CPPED1: variants seen among roughly 807,000 people sequenced by gnomAD.
CPPED1 encodes the protein calcineurin like phosphoesterase domain containing 1.
In CPPED1, 28 loss-of-function variants were observed where a neutral mutation model predicts 28.0. The ratio of observed to expected loss-of-function variants is 1.00; its 90% CI spans 0.74 to 1.37. The LOEUF (loss-of-function observed/expected upper bound fraction) is 1.37. CPPED1 is among the 40% of genes most tolerant of loss of function. CPPED1 has a pLI of 0.00. For missense variants in CPPED1, 504 were observed against 416.5 expected (o/e 1.21, Z -1.83); for synonymous variants, 198 against 180.2 (o/e 1.10, Z -0.79).
intron 3 of CPPED1, among the ~76,000 whole-genome samples, chr16:12,698,657 C>T (rs1484547620): frequency 2.6e-5 from 4 of 152,140 alleles, no homozygotes; most frequent in Admixed American, 2.6e-4. Context: ...TCTTGAATTC[C>T]TGACTTCAAG....
Position 12,696,942 on chromosome 16 carries a change from G to A in CPPED1, c.715+7682C>T, listed in dbSNP as rs1049873556. Among the ~76,000 whole-genome samples the A allele has an allele frequency of 3.3e-5, 5 of 152,156 alleles. 1 individual carries two copies. Among genetic ancestry groups the A allele is most frequent in the Admixed American group, 6.6e-5 (1 of 15,262 alleles). ...GGACCCCCTGCCCACCGGCCCAGAC[G>A]CTAATTCCCCCTGTACAAACCTCCA... On this transcript the variant is annotated intron_variant, in intron 3 of 3. Coordinates refer to ENST00000381774, the MANE Select transcript of CPPED1 (RefSeq NM_018340.3).
At chr16:12,680,889 T>C (rs1004698468) in intron 3 of CPPED1, among the ~76,000 whole-genome samples, 12 of 152,174 alleles carry the variant, frequency 7.9e-5, no homozygotes, top group African/African-American at 2.9e-4. Flanking sequence ...TTAACACCTA[T>C]ACACTTGGTC....
chr16:12,780,929 G>A (rs1444927077), intron 2 of CPPED1: 2 of 497,478 alleles, frequency 4.0e-6, no homozygotes, highest in African/African-American at 1.9e-5. Flanking sequence ...GTGGGAATCT[G>A]TTCCATTTTT....
chr16:12,785,155 A>C (rs1232371681), intron 1 of CPPED1, among the ~76,000 whole-genome samples: 1 of 152,252 alleles, frequency 6.6e-6, no homozygotes, highest in East Asian at 1.9e-4. Flanking sequence ...TTTGGAGCTT[A>C]CAATGCTTAA....
chr16:12,747,756 A>G (rs1407052712), intron 2 of CPPED1, among the ~76,000 whole-genome samples: 1 of 152,142 alleles, frequency 6.6e-6, no homozygotes, highest in Non-Finnish European at 1.5e-5. Context: ...TGCACTCATT[A>G]TTGTGATTGT....
intron 2 of CPPED1, among the ~76,000 whole-genome samples, chr16:12,713,396 C>T (rs2080089957): frequency 1.3e-5 from 2 of 152,040 alleles, no homozygotes; most frequent in Non-Finnish European, 2.9e-5. Flanking sequence ...GATGGAGTCT[C>T]GCTCTGTCAC....
chr16:12,769,681 AGGAGC>A, intron 2 of CPPED1, among the ~76,000 whole-genome samples: 3 of 152,196 alleles, frequency 2.0e-5, no homozygotes, highest in African/African-American at 7.2e-5. Context: ...GAAGGAGTGC[AGGAGC>A]CAGGGGGCTT....
intron 3 of CPPED1, among the ~76,000 whole-genome samples, chr16:12,696,357 A>G (rs1296934251): frequency 6.6e-6 from 1 of 152,090 alleles, no homozygotes; most frequent in Non-Finnish European, 1.5e-5. Context: ...GGGGTCCCCA[A>G]ACGGTTCGGG....
intron 2 of CPPED1, among the ~76,000 whole-genome samples, chr16:12,736,558 T>A (rs1244860900): frequency 6.6e-6 from 1 of 152,136 alleles, no homozygotes; most frequent in Non-Finnish European, 1.5e-5. Flanking sequence ...GCTTTCATTG[T>A]CTGGAAACTT....
intron 2 of CPPED1, among the ~76,000 whole-genome samples, 173 bp from the exon 3 acceptor site, chr16:12,705,222 C>T (rs893195891): frequency 5.9e-5 from 9 of 152,216 alleles, no homozygotes; most frequent in Admixed American, 2.0e-4. Flanking sequence ...CCAACAAGTC[C>T]GACGGGGGCC....
intron 2 of CPPED1, among the ~76,000 whole-genome samples, chr16:12,770,527 A>G (rs1408545042): frequency 6.6e-6 from 1 of 152,180 alleles, no homozygotes; most frequent in Admixed American, 6.5e-5. Context: ...TTTGTATTTA[A>G]GAAAAGCATG....
chr16:12,798,499 G>A (rs2080640234), intron 1 of CPPED1, among the ~76,000 whole-genome samples: 1 of 152,176 alleles, frequency 6.6e-6, no homozygotes, highest in Non-Finnish European at 1.5e-5. Context: ...GACAGAGTGA[G>A]TTATTTTTTT....
Position 12,679,091 on chromosome 16 carries a change from C to G in CPPED1, c.716-13976G>C, listed in dbSNP as rs140859117. Among the ~76,000 whole-genome samples the G allele has an allele frequency of 2.3e-3, 344 of 152,268 alleles. 1 individual carries two copies. The highest frequency in any genetic ancestry group is 7.5e-3 in the African/African-American group (311 of 41,560). ...CAGTGAAAGCTCATTCTTTGGTGAT[C>G]TCACAAAAGCCTTGCAAAGATTAAA... On this transcript the variant is annotated intron_variant, in intron 3 of 3. Coordinates refer to ENST00000381774, the MANE Select transcript of CPPED1 (RefSeq NM_018340.3).
At chr16:12,714,754 C>T (rs2080098323) in intron 2 of CPPED1, among the ~76,000 whole-genome samples, 1 of 152,100 alleles carries the variant, frequency 6.6e-6, no homozygotes, top group Admixed American at 6.6e-5. Context: ...TGTCTTTTCA[C>T]TTTTTTGATA....
chr16:12,803,858 G>T lies in CPPED1; in HGVS notation c.-82C>A. 1.5e-6 allele frequency: 2 copies of T among 1,357,058 alleles called. No homozygotes were observed. The allele number at this position is 1,357,058 out of a possible 1,614,324, so 84.1% of individuals were successfully genotyped here. A position where few individuals can be genotyped will look rare whatever the true frequency, so the allele number is the denominator to read the frequency against. ...TTCACACAGAACAACCGCTGGACCTGTCCCGCTTTGGGCGACGCCCTTTGA... is the reference window on the plus strand; with the variant it reads ...TTCACACAGAACAACCGCTGGACCTTTCCCGCTTTGGGCGACGCCCTTTGA... On this transcript the variant is annotated 5_prime_UTR_variant, in exon 1 of 4. Transcript: ENST00000381774.
intron 1 of CPPED1, among the ~76,000 whole-genome samples, chr16:12,784,047 C>T (rs964113024): frequency 8.5e-5 from 13 of 152,212 alleles, no homozygotes; most frequent in African/African-American, 3.1e-4. Flanking sequence ...GTGTGGGCTG[C>T]AACTTGCTTC....
chr16:12,695,343 C>A (rs1294430773), intron 3 of CPPED1, among the ~76,000 whole-genome samples: 1 of 152,162 alleles, frequency 6.6e-6, no homozygotes, highest in Non-Finnish European at 1.5e-5. Context: ...CAGCTCACTG[C>A]AGACTTGGCT....
Position 12,781,269 on chromosome 16 carries a change from C to G in CPPED1, c.205G>C (p.Glu69Gln), listed in dbSNP as rs2080529516. The G allele has an allele frequency of 6.2e-7, 1 of 1,614,036 alleles. No homozygotes were observed. The highest frequency in any genetic ancestry group is 1.7e-5 in the Admixed American group (1 of 60,000). Reference sequence around the variant, plus strand: ...TTGTTGATGGCCTGGACGGCTTGCTCAGTTAGACGGATCTCCTGTTCCCAT... The same window carrying G: ...TTGTTGATGGCCTGGACGGCTTGCTGAGTTAGACGGATCTCCTGTTCCCAT... ...DEWEQEIRLT[E>Q]QAVQAINKLN... The change falls in exon 2 of 4, where the codon GAG becomes CAG. Residue 69 changes from glutamate to glutamine, a missense_variant. Physicochemically the swap from Glu to Gln is conservative, Grantham distance 29. Coordinates refer to ENST00000381774, the MANE Select transcript of CPPED1 (RefSeq NM_018340.3).
intron 3 of CPPED1, among the ~76,000 whole-genome samples, chr16:12,696,438 C>CT (rs1180336228): frequency 0.022 from 2,680 of 120,698 alleles, 45 homozygotes; most frequent in African/African-American, 0.036. Context: ...AAGTGACTTT[C>CT]TTTTTTTTTT....
Sources: allele counts gnomAD v4.1 joint callset (sites outside exome capture counted in the v4.1 genomes callset), GRCh38; gene constraint gnomAD v4.1.1; transcripts MANE v1.5; gene names NCBI Gene and HGNC (gene_info 2026-07-23, HGNC 2026-07-21).